The following SEC31A variants were observed in gnomAD, a reference collection of about 807,000 sequenced individuals.
SEC31A encodes SEC31 homolog A, COPII component.
Under a neutral mutation model 151.0 loss-of-function variants are expected in SEC31A, and 70 were observed. The observed-to-expected ratio is 0.46, with a 90% CI of 0.38 to 0.57. The LOEUF (loss-of-function observed/expected upper bound fraction) is 0.57, where lower values mean the gene tolerates loss of function less well. Ranked by LOEUF, SEC31A falls within the 20% of genes least tolerant of loss-of-function variation. The pLI, the probability that SEC31A is intolerant of heterozygous loss-of-function variation, is 0.00. For synonymous variants in SEC31A, 475 were observed against 505.9 expected (o/e 0.94, Z 0.82); for missense variants, 1,330 against 1,471.2 (o/e 0.90, Z 1.57).
intron 4 of SEC31A, among the ~76,000 whole-genome samples, chr4:82,876,795 C>T (rs1010321613): frequency 1.3e-5 from 2 of 152,154 alleles, no homozygotes; most frequent in African/African-American, 4.8e-5. Flanking sequence ...TTTACTCTTA[C>T]AAATTATTCT....
At chr4:82,874,143 C>A (rs1578342825) in intron 6 of SEC31A, among the ~76,000 whole-genome samples, 1 of 152,074 alleles carries the variant, frequency 6.6e-6, no homozygotes, top group Non-Finnish European at 1.5e-5. Flanking sequence ...ACCAAAAATA[C>A]AAAAATTAGC....
At position 82,885,156 on chromosome 4, in the gene SEC31A, A is replaced by G. The variant is rs181288116; in HGVS notation, c.-4-3216T>C. Among the ~76,000 whole-genome samples the G allele has an allele frequency of 7.8e-4, 119 of 152,260 alleles. 2 individuals carry two copies. The highest frequency in any genetic ancestry group is 1.4e-3 in the Non-Finnish European group (96 of 68,000). On this transcript the variant is annotated intron_variant, in intron 1 of 26. Transcript: ENST00000395310. ...TGCCCTTCAGAACTACTTTGTCATC[A>G]TTACAAACAAAATAACAAACAAAAA...
rs1726078252 is a variant in SEC31A, at chr4:82,832,107, C to A, written c.2969-3049G>T. ...AAGAGCCCACATAGCCAAGACAATC[C>A]TGGGCAAGAAGAACAAAGCTGGAGG... On this transcript the variant is annotated intron_variant, in intron 22 of 26. Coordinates refer to ENST00000395310, the MANE Select transcript of SEC31A (RefSeq NM_001077207.4). Among the ~76,000 whole-genome samples the A allele has an allele frequency of 4.6e-5, 7 of 152,148 alleles. No individual in the cohort carries two copies. In the South Asian group the frequency reaches 1.4e-3, roughly 32 times the overall value.
At position 82,839,016 on chromosome 4, in the gene SEC31A, C is replaced by T. The variant is rs967688143; in HGVS notation, c.2968+3124G>A. 1.3e-4 allele frequency among the ~76,000 whole-genome samples: 20 copies of T among 152,270 alleles called. No homozygotes were observed. In the East Asian group the frequency reaches 1.9e-3, roughly 15 times the overall value. ...TTTTTGAGATGGAGTTTTGGTCTTT[C>T]GCCCAGGCTGGGGTGCAGTGGCACG... On this transcript the variant is annotated intron_variant, in intron 22 of 26. Transcript: ENST00000395310.
chr4:82,896,861 T>C (rs1720085182), intron 3 of SEC31A, among the ~76,000 whole-genome samples: 1 of 152,228 alleles, frequency 6.6e-6, no homozygotes, highest in Non-Finnish European at 1.5e-5. Context: ...GTTTGACCTT[T>C]TTCCCCAAAG....
chr4:82,845,328 TA>T, intron 20 of SEC31A: 2 of 1,224,564 alleles, frequency 1.6e-6, no homozygotes, highest in Admixed American at 3.2e-5. Context: ...TCACAGAAAA[TA>T]AAAAATGAAA....
At chr4:82,844,951 G>C (rs1729737135) in intron 20 of SEC31A, among the ~76,000 whole-genome samples, 1 of 152,184 alleles carries the variant, frequency 6.6e-6, no homozygotes, top group Non-Finnish European at 1.5e-5. Context: ...TTAAACCATT[G>C]TCAAAACCTT....
rs1402999632 is a variant in SEC31A, at chr4:82,867,189, C to T, written c.1010G>A (p.Ser337Asn). Residue 337 changes from serine (S) to asparagine (N), a missense_variant, in exon 9 of 27, where the codon AGC (serine) becomes AAC (asparagine). Transcript: ENST00000395310. ...RISVYSIMGG[S>N]TDGLRQKQVD... is the part of the protein sequence containing the mutation. ...TTGTTTCTGTCTTAAACCATCTGTG[C>T]TACCTCCCATGATAGAATAAACACT... 6 of 1,613,946 alleles carry T rather than the reference C, an allele frequency of 3.7e-6. No individual in the cohort carries two copies. The highest frequency in any genetic ancestry group is 4.2e-6 in the Non-Finnish European group (5 of 1,179,834).
intron 22 of SEC31A, among the ~76,000 whole-genome samples, chr4:82,834,324 T>G (rs546039923): frequency 6.6e-6 from 1 of 152,256 alleles, no homozygotes; most frequent in Non-Finnish European, 1.5e-5. Context: ...CATGTCCTCT[T>G]CCCCTTCCTC....
intron 16 of SEC31A, among the ~76,000 whole-genome samples, chr4:82,856,117 ATCT>A (rs1439556006): frequency 6.6e-6 from 1 of 152,108 alleles, no homozygotes; most frequent in Middle Eastern, 3.2e-3. Flanking sequence ...GAAACATTAC[ATCT>A]TCTTACCATG....
chr4:82,838,140 C>T (rs963421981), intron 22 of SEC31A, among the ~76,000 whole-genome samples: 2 of 152,120 alleles, frequency 1.3e-5, no homozygotes, highest in African/African-American at 4.8e-5. Context: ...TCATGCTTTC[C>T]TTTACTTGAA....
intron 22 of SEC31A, among the ~76,000 whole-genome samples, chr4:82,830,259 G>A (rs1378040694): frequency 6.6e-6 from 1 of 152,082 alleles, no homozygotes; most frequent in Admixed American, 6.5e-5. Flanking sequence ...TCAGGAGTTC[G>A]AGACCAGCCT....
At position 82,882,170 on chromosome 4, in the gene SEC31A, A is replaced by G. The variant is rs375543584; in HGVS notation, c.-4-230T>C. 4.6e-5 allele frequency among the ~76,000 whole-genome samples: 7 copies of G among 152,172 alleles called. No individual in the cohort carries two copies. The East Asian group carries it at 5.8e-4, about 13-fold the overall frequency. Reference sequence around the variant, plus strand: ...TGTAATCCCAGCACTTTGGGAGGCCAAGGCGGGCGGATCACGAGGTCAGGA... The same window carrying G: ...TGTAATCCCAGCACTTTGGGAGGCCGAGGCGGGCGGATCACGAGGTCAGGA... On this transcript the variant is annotated intron_variant, in intron 1 of 26. Coordinates refer to ENST00000395310, the MANE Select transcript of SEC31A (RefSeq NM_001077207.4).
At chr4:82,895,677 G>T (rs1560685938), upstream of SEC31A, 1 of 152,136 alleles carries the variant, frequency 6.6e-6, no homozygotes, top group Non-Finnish European at 1.5e-5. Context: ...CAAAATAAAT[G>T]TGTAAGTCCC....
At chr4:82,875,696 AT>A in intron 5 of SEC31A, 30 bp downstream of exon 5, 1 of 1,379,468 alleles carries the variant, frequency 7.2e-7, no homozygotes, top group Non-Finnish European at 1.0e-6. Context: ...GGCTTTTTTG[AT>A]TACAATGATC....
In SEC31A at chr4:82,874,801, C is replaced by A; in HGVS notation, c.499-50G>T. On this transcript the variant is annotated intron_variant, in intron 5 of 26. Coordinates refer to ENST00000395310, the MANE Select transcript of SEC31A (RefSeq NM_001077207.4). ...AAACTGCTTGTTTCTCTATTATAAT[C>A]AAATTTAACTGTAAAATTGGATCCT... The A allele has an allele frequency of 1.9e-6, 3 of 1,562,746 alleles. No homozygotes were observed. The South Asian group carries it at 3.6e-5, about 19-fold the overall frequency.
At chr4:82,851,410 A>G (rs746062948) in intron 19 of SEC31A, 21 bp downstream of exon 19, 1 of 1,599,212 alleles carries the variant, frequency 6.3e-7, no homozygotes, top group Non-Finnish European at 8.5e-7. Flanking sequence ...AAACATTACA[A>G]AAATGGTCAA....
At chr4:82,851,318 A>T in intron 19 of SEC31A, 113 bp downstream of exon 19, 1 of 830,248 alleles carries the variant, frequency 1.2e-6, no homozygotes, top group South Asian at 1.9e-5. Context: ...CAGGTTACAG[A>T]AATTCAACTG....
upstream of SEC31A, among the ~76,000 whole-genome samples, chr4:82,891,737 A>G (rs1719779604): frequency 6.6e-6 from 1 of 151,264 alleles, no homozygotes; most frequent in Admixed American, 6.6e-5. Context: ...ATTAATTCCA[A>G]TTAGTACCGT....
Sources: allele counts gnomAD v4.1 joint callset (sites outside exome capture counted in the v4.1 genomes callset), GRCh38; gene constraint gnomAD v4.1.1; transcripts MANE v1.5; gene names NCBI Gene and HGNC (gene_info 2026-07-23, HGNC 2026-07-21).